Variants in PTPRD observed in about 807,000 individuals in gnomAD.
The protein encoded by PTPRD is protein tyrosine phosphatase receptor type D.
A neutral mutation model predicts 214.5 loss-of-function variants in PTPRD; 34 were observed. That is an observed-to-expected ratio of 0.16 (90% CI 0.12 to 0.21). The LOEUF (loss-of-function observed/expected upper bound fraction) is 0.21. Ranked by LOEUF, PTPRD falls within the 10% of genes least tolerant of loss-of-function variation. The pLI, the probability that PTPRD is intolerant of heterozygous loss-of-function variation, is 1.00. For synonymous variants in PTPRD, 1,128 were observed against 845.7 expected (o/e 1.33, Z -5.79); for missense variants, 2,545 against 2,398.7 (o/e 1.06, Z -1.27).
chr9:10,441,640 T>C (rs2098759385), intron 2 of PTPRD, among the ~76,000 whole-genome samples: 2 of 151,632 alleles, frequency 1.3e-5, no homozygotes, highest in African/African-American at 4.8e-5. Flanking sequence ...GTTCATGAGT[T>C]GGTATTTACA....
At chr9:8,561,736 G>C (rs2086448141) in intron 14 of PTPRD, among the ~76,000 whole-genome samples, 1 of 148,188 alleles carries the variant, frequency 6.7e-6, no homozygotes, top group Admixed American at 6.8e-5. Context: ...AAAGTCTTTA[G>C]GAAAGGATCC....
At chr9:10,410,270 T>TATATATATATATATATATACACAC (rs532202941) in intron 2 of PTPRD, among the ~76,000 whole-genome samples, 2 of 139,852 alleles carry the variant, frequency 1.4e-5, no homozygotes, top group Non-Finnish European at 3.1e-5. Flanking sequence ...TATATATATA[T>TATATATATATATATATATACACAC]ACACACACAC....
chr9:9,947,533 T>TATATATATATTA (rs1566622386), intron 4 of PTPRD, among the ~76,000 whole-genome samples: 1 of 17,550 alleles, frequency 5.7e-5, no homozygotes, highest in African/African-American at 4.2e-4. Flanking sequence ...TATATATATT[T>TATATATATATTA]TATATATAAT....
intron 3 of PTPRD, among the ~76,000 whole-genome samples, chr9:10,046,569 G>A (rs369821745): frequency 3.3e-5 from 5 of 151,594 alleles, no homozygotes; most frequent in Non-Finnish European, 7.4e-5. Context: ...AAGTTGCCTC[G>A]GATGCTTCAA....
chr9:8,316,843 G>A lies in PTPRD; in HGVS notation c.*1031C>T. 1 of 231,006 alleles carries A rather than the reference G, an allele frequency of 4.3e-6. No individual in the cohort carries two copies. Among genetic ancestry groups the A allele is most frequent in the African/African-American group, 2.2e-5 (1 of 45,040 alleles). The allele number at this position is 231,006 out of a possible 1,614,324, so 14.3% of individuals were successfully genotyped here. A position where few individuals can be genotyped will look rare whatever the true frequency, so the allele number is the denominator to read the frequency against. ...AAAAAATTAAGAATAAATGGAAAGA[G>A]ATGTTTACAATAGCTTTTCTACGTT... On this transcript the variant is annotated 3_prime_UTR_variant, in exon 46 of 46. Coordinates refer to ENST00000381196, the MANE Select transcript of PTPRD (RefSeq NM_002839.4).
chr9:8,942,819 T>A (rs1029847394), intron 11 of PTPRD, among the ~76,000 whole-genome samples: 4 of 152,066 alleles, frequency 2.6e-5, no homozygotes, highest in Non-Finnish European at 4.4e-5. Context: ...TTAAAAAAAA[T>A]TTCTTTGCAG....
intron 10 of PTPRD, among the ~76,000 whole-genome samples, chr9:9,057,506 G>A (rs2154398613): frequency 6.6e-6 from 1 of 152,188 alleles, no homozygotes; most frequent in Non-Finnish European, 1.5e-5. Flanking sequence ...CAAAAATGAA[G>A]CCTGAAATTT....
At chr9:9,727,521 A>C (rs2098116490) in intron 7 of PTPRD, among the ~76,000 whole-genome samples, 1 of 152,200 alleles carries the variant, frequency 6.6e-6, no homozygotes. Flanking sequence ...AGAGGCTAAA[A>C]TAAAAAAGTA....
At chr9:9,603,763 G>C (rs556538797) in intron 7 of PTPRD, among the ~76,000 whole-genome samples, 40 of 152,220 alleles carry the variant, frequency 2.6e-4, no homozygotes, top group Middle Eastern at 6.8e-3. Context: ...GTCCCTGGTG[G>C]CCAAAAGTTT....
chr9:10,527,155 A>T (rs2054551910), intron 2 of PTPRD, among the ~76,000 whole-genome samples: 1 of 152,168 alleles, frequency 6.6e-6, no homozygotes, highest in Non-Finnish European at 1.5e-5. Flanking sequence ...ATAGACAGAA[A>T]CTAAGAATAA....
chr9:9,155,017 A>G (rs1418949540), intron 10 of PTPRD, among the ~76,000 whole-genome samples: 1 of 152,164 alleles, frequency 6.6e-6, no homozygotes, highest in Non-Finnish European at 1.5e-5. Context: ...GCTTTGTTAG[A>G]TACAATATGA....
intron 14 of PTPRD, among the ~76,000 whole-genome samples, chr9:8,594,112 G>A (rs1409456151): frequency 6.6e-6 from 1 of 152,142 alleles, no homozygotes; most frequent in African/African-American, 2.4e-5. Flanking sequence ...TAATTCTAGT[G>A]TTTGCTTTTT....
In PTPRD at chr9:9,537,034, G is replaced by A. The variant is rs1332073315; in HGVS notation, c.-237+37698C>T. ...AAAGTTTTACCTAATGACTCATGTT[G>A]CTGAAAGTCCTTCCTCTCAATACCA... On this transcript the variant is annotated intron_variant, in intron 8 of 45. Transcript: ENST00000381196. 8.6e-5 allele frequency among the ~76,000 whole-genome samples: 13 copies of A among 151,818 alleles called. No individual in the cohort carries two copies. In the Admixed American group the frequency reaches 8.6e-4, roughly 10 times the overall value.
chr9:10,601,299 TA>T lies in PTPRD; in HGVS notation c.-600+11098del, dbSNP rs572472400. On this transcript the variant is annotated intron_variant, in intron 2 of 45. Transcript: ENST00000381196. ...TATGGCCAAAGGGAAGAATTTGATT[TA>T]AAAAAAAAATGTTGGCCTGATAGGA... is the stretch of plus-strand genomic sequence containing the variant. Among the ~76,000 whole-genome samples, 13 of 149,310 alleles carry T rather than the reference TA, an allele frequency of 8.7e-5. 1 individual carries two copies. The highest frequency in any genetic ancestry group is 8.4e-4 in the South Asian group (4 of 4,748).
rs554634801 is a variant in PTPRD at position 9,642,297 on chromosome 9, G to C, written c.-286-67516C>G. On this transcript the variant is annotated intron_variant, in intron 7 of 45. Transcript: ENST00000381196. Reference sequence around the variant, plus strand: ...GGGGGAGGGGGGAGGGATAGCATTGGGAGATATACCTAAGGCTAGATGACG... The same window carrying C: ...GGGGGAGGGGGGAGGGATAGCATTGCGAGATATACCTAAGGCTAGATGACG... Among the ~76,000 whole-genome samples, 43 of 144,486 alleles carry C rather than the reference G, an allele frequency of 3.0e-4. 1 individual carries two copies. The South Asian group carries it at 9.3e-3, about 31-fold the overall frequency. 94.8% of individuals were successfully genotyped at this position (144,486 alleles called of 152,430 possible). A position where few individuals can be genotyped will look rare whatever the true frequency, so the allele number is the denominator to read the frequency against.
At chr9:9,969,196 G>C (rs546410181) in intron 4 of PTPRD, among the ~76,000 whole-genome samples, 2 of 152,250 alleles carry the variant, frequency 1.3e-5, no homozygotes, top group South Asian at 2.1e-4. Flanking sequence ...ATAGGATTTA[G>C]CGATCAAAGA....
chr9:8,836,457 G>T (rs1023919509), intron 11 of PTPRD, among the ~76,000 whole-genome samples: 25 of 151,772 alleles, frequency 1.6e-4, no homozygotes, highest in African/African-American at 5.3e-4. Context: ...CTCGACAACT[G>T]ATTATATTCT....
rs530411284 is a variant in PTPRD, at chr9:10,426,199, A to G, written c.-599-85182T>C. 8.6e-5 allele frequency among the ~76,000 whole-genome samples: 13 copies of G among 151,988 alleles called. No individual in the cohort carries two copies. In the South Asian group the frequency reaches 2.5e-3, roughly 29 times the overall value. On this transcript the variant is annotated intron_variant, in intron 2 of 45. Transcript: ENST00000381196. ...CTTGGTGTTATTCCTAAAATCAGCA[A>G]CTCTTGCTTTTTAAAAATGGCAAAA...
At chr9:9,308,964 AG>A (rs1469104156) in intron 9 of PTPRD, among the ~76,000 whole-genome samples, 1 of 152,090 alleles carries the variant, frequency 6.6e-6, no homozygotes. Context: ...CAGAAATATC[AG>A]GTAATATTTA....
Sources: allele counts gnomAD v4.1 joint callset (sites outside exome capture counted in the v4.1 genomes callset), GRCh38; gene constraint gnomAD v4.1.1; transcripts MANE v1.5; gene names NCBI Gene and HGNC (gene_info 2026-07-23, HGNC 2026-07-21).